The following SPARC variants were observed in gnomAD, a reference collection of about 807,000 sequenced individuals.
The protein encoded by SPARC is basement-membrane protein 40.
SPARC carries 23 observed loss-of-function variants against 37.7 expected under a neutral mutation model. The ratio of observed to expected loss-of-function variants is 0.61; its 90% confidence interval spans 0.44 to 0.87. SPARC has a LOEUF of 0.87. Ranked by LOEUF, SPARC falls within the 40% of genes least tolerant of loss-of-function variation. The pLI is 0.00. For synonymous variants in SPARC, 155 were observed against 150.8 expected (o/e 1.03, Z -0.20); for missense variants, 312 against 389.0 (o/e 0.80, Z 1.66).
At position 151,677,212 on chromosome 5, in the gene SPARC, T is replaced by G. The variant is rs1018063109; in HGVS notation, c.-13-1011A>C. ...CATTTCATTTCTTGCACTAACTAAA[T>G]GGCTTTTCATTCTCAAGTGACTTTA... On this transcript the variant is annotated intron_variant, in intron 1 of 9. Coordinates refer to ENST00000231061, the MANE Select transcript of SPARC (RefSeq NM_003118.4). Among the ~76,000 whole-genome samples the G allele has an allele frequency of 3.3e-5, 5 of 152,330 alleles. No homozygotes were observed. In the East Asian group the frequency reaches 9.6e-4, roughly 29 times the overall value.
rs1014506861 is a variant in SPARC, at chr5:151,662,779, G to C, written c.*792C>G. The C allele has an allele frequency of 4.6e-5, 7 of 152,322 alleles. No individual in the cohort carries two copies. The highest frequency in any genetic ancestry group is 2.6e-4 in the Admixed American group (4 of 15,300). 9.4% of individuals were successfully genotyped at this position (152,322 alleles called of 1,614,324 possible). A position where few individuals can be genotyped will look rare whatever the true frequency, so the allele number is the denominator to read the frequency against. On this transcript the variant is annotated 3_prime_UTR_variant, in exon 10 of 10. Transcript: ENST00000231061. ...CCTTCCTGGCTGAAACAGCCTGGCAGTCCCTAGAGCCCCTGAGAAGAGCCC... is the reference window on the plus strand; with the variant it reads ...CCTTCCTGGCTGAAACAGCCTGGCACTCCCTAGAGCCCCTGAGAAGAGCCC...
At chr5:151,685,918 A>T (rs749770151) in intron 1 of SPARC, 1 of 152,186 alleles carries the variant, frequency 6.6e-6, no homozygotes. Context: ...TCCACTTGAC[A>T]GCCAGTTCAC....
intron 2 of SPARC, among the ~76,000 whole-genome samples, chr5:151,674,901 A>G (rs1581526670): frequency 6.6e-6 from 1 of 152,320 alleles, no homozygotes; most frequent in African/African-American, 2.4e-5. Context: ...TATATTTTAT[A>G]TCCTAGGTGT....
At chr5:151,680,095 A>G (rs1691354210) in intron 1 of SPARC, among the ~76,000 whole-genome samples, 1 of 151,876 alleles carries the variant, frequency 6.6e-6, no homozygotes, top group African/African-American at 2.4e-5. Flanking sequence ...TTTAAATTGT[A>G]TTTCATTTTA....
chr5:151,681,761 C>T (rs1163555950), intron 1 of SPARC, among the ~76,000 whole-genome samples: 4 of 152,102 alleles, frequency 2.6e-5, no homozygotes, highest in Non-Finnish European at 5.9e-5. Flanking sequence ...GGCATGGTGG[C>T]GGGCGCCTAA....
intron 4 of SPARC, among the ~76,000 whole-genome samples, chr5:151,672,041 A>T (rs575502137): frequency 6.6e-6 from 1 of 152,290 alleles, no homozygotes; most frequent in South Asian, 2.1e-4. Context: ...ACAGTGGGGC[A>T]TTTCTGGATT....
chr5:151,681,279 G>A (rs142530038), intron 1 of SPARC, among the ~76,000 whole-genome samples: 28 of 152,314 alleles, frequency 1.8e-4, no homozygotes, highest in Non-Finnish European at 3.5e-4. Context: ...CAGCTACAAT[G>A]GCACTCCTGC....
rs11542495 is a variant in SPARC at position 151,669,713 on chromosome 5, G to T, written c.402C>A (p.Gly134=). The T allele has an allele frequency of 6.2e-7, 1 of 1,614,186 alleles. No individual in the cohort carries two copies. The highest frequency in any genetic ancestry group is 2.2e-5 in the East Asian group (1 of 44,888). ...HFFATKCTLE[G]TKKGHKLHLD... ...GGTGGAGCTTGTGGCCCTTCTTGGTGCCCTCCAGGGTGCACTTTGTGGCAA... is the reference window on the plus strand; with the variant it reads ...GGTGGAGCTTGTGGCCCTTCTTGGTTCCCTCCAGGGTGCACTTTGTGGCAA... The change falls in exon 6 of 10, where the codon GGC becomes GGA. Residue 134 remains glycine, a synonymous_variant. Transcript: ENST00000231061.
At chr5:151,674,806 C>A in intron 2 of SPARC, 132 bp from the exon 3 acceptor site, 1 of 785,378 alleles carries the variant, frequency 1.3e-6, no homozygotes, top group Non-Finnish European at 2.1e-6. Flanking sequence ...AAAGTTGTGC[C>A]TCATGGACTG....
chr5:151,683,268 G>A (rs1761040395), intron 1 of SPARC, among the ~76,000 whole-genome samples: 1 of 152,250 alleles, frequency 6.6e-6, no homozygotes, highest in African/African-American at 2.4e-5. Context: ...AGGGCCTTTG[G>A]GCCTAATGAC....
In SPARC at chr5:151,661,478, T is replaced by G. The variant is rs566454672; in HGVS notation, c.*2093A>C. ...TTTTTAGGAGCTTTTATTGTTTTAG[T>G]AATCTTAACATAACTTAAAATAAGA... On this transcript the variant is annotated 3_prime_UTR_variant, in exon 10 of 10. Transcript: ENST00000231061. 1 of 152,348 alleles carries G rather than the reference T, an allele frequency of 6.6e-6. No individual in the cohort carries two copies. Among genetic ancestry groups the G allele is most frequent in the East Asian group, 1.9e-4 (1 of 5,192 alleles). 9.4% of individuals were successfully genotyped at this position (152,348 alleles called of 1,614,324 possible).
intron 9 of SPARC, 92 bp from the exon 10 acceptor site, chr5:151,663,691 G>C: frequency 7.6e-7 from 1 of 1,309,054 alleles, no homozygotes; most frequent in Non-Finnish European, 1.1e-6. Flanking sequence ...CCCATCCCCA[G>C]GGGCAGGGGT....
At chr5:151,673,100 A>C (rs756737299) in intron 4 of SPARC, 29 bp downstream of exon 4, 1 of 1,556,156 alleles carries the variant, frequency 6.4e-7, no homozygotes, top group Non-Finnish European at 8.9e-7. Flanking sequence ...GGCAGCTTGG[A>C]TGTGCCAAGT....
intron 5 of SPARC, among the ~76,000 whole-genome samples, chr5:151,670,926 T>TAG (rs1333428631): frequency 6.6e-6 from 1 of 152,108 alleles, no homozygotes; most frequent in Non-Finnish European, 1.5e-5. Flanking sequence ...GCTGTAGGAA[T>TAG]AGTGCTGGCC....
chr5:151,682,362 C>T (rs1761014555), intron 1 of SPARC, among the ~76,000 whole-genome samples: 1 of 152,206 alleles, frequency 6.6e-6, no homozygotes, highest in African/African-American at 2.4e-5. Flanking sequence ...CTCTAGGGCA[C>T]CGCTGCTGCA....
Position 151,666,282 on chromosome 5 carries a change from G to A in SPARC, c.734+79C>T, listed in dbSNP as rs542855651. The A allele has an allele frequency of 1.2e-3, 1,786 of 1,453,452 alleles. 4 individuals carry two copies. Among genetic ancestry groups the A allele is most frequent in the Admixed American group, 2.4e-3 (133 of 55,058 alleles). The allele number at this position is 1,453,452 out of a possible 1,614,324, so 90.0% of individuals were successfully genotyped here. On this transcript the variant is annotated intron_variant, in intron 8 of 9. Transcript: ENST00000231061. ...GATGCCAGGGCTTGGAGCAGTATAG[G>A]CTGCTGAGAGGCTTTCTGGCCATAG... is the stretch of plus-strand genomic sequence containing the variant.
At chr5:151,667,691 T>G in intron 6 of SPARC, 91 bp from the exon 7 acceptor site, 2 of 1,431,502 alleles carry the variant, frequency 1.4e-6, no homozygotes, top group Non-Finnish European at 1.9e-6. Context: ...ACCACCTGCA[T>G]TGGTGGCCTT....
chr5:151,678,487 C>T (rs1760912473), intron 1 of SPARC, among the ~76,000 whole-genome samples: 1 of 152,210 alleles, frequency 6.6e-6, no homozygotes, highest in South Asian at 2.1e-4. Flanking sequence ...TTCTAAAGCA[C>T]TGTCACATAA....
Position 151,671,592 on chromosome 5 carries a change from G to C in SPARC, c.311C>G (p.Pro104Arg). Residue 104 changes from proline to arginine, a missense_variant, in exon 5 of 10, where the codon CCC (proline) becomes CGC (arginine). Physicochemically the swap from Pro to Arg is moderately radical, Grantham distance 103. Coordinates refer to ENST00000231061, the MANE Select transcript of SPARC (RefSeq NM_003118.4). Reference sequence around the variant, plus strand: ...CCTCACCTTCTCAAACTCGCCAATGGGGGCTGGGCAGCTGGTGGGGTCCTG... The same window carrying C: ...CCTCACCTTCTCAAACTCGCCAATGCGGGCTGGGCAGCTGGTGGGGTCCTG... Reference protein sequence around the residue: ...VCQDPTSCPAPIGEFEKVCSN... With the variant: ...VCQDPTSCPARIGEFEKVCSN... 3 of 1,583,596 alleles carry C rather than the reference G, an allele frequency of 1.9e-6. No individual in the cohort carries two copies. Among genetic ancestry groups the C allele is most frequent in the Non-Finnish European group, 2.6e-6 (3 of 1,165,564 alleles).
Sources: gnomAD v4.1 joint callset for allele counts (sites outside exome capture counted in the v4.1 genomes callset) on GRCh38, gnomAD v4.1.1 for gene constraint, MANE v1.5 for transcripts, NCBI Gene and HGNC (gene_info 2026-07-23, HGNC 2026-07-21) for gene names.